Variants in PLXDC2 observed in about 807,000 individuals in gnomAD.
PLXDC2 encodes plexin domain-containing protein 2.
Under a neutral mutation model 68.9 loss-of-function variants are expected in PLXDC2, and 40 were observed. That is an observed-to-expected ratio of 0.58 (90% CI 0.45 to 0.76). The LOEUF is 0.76. Among genes scored for constraint, PLXDC2 ranks in the 30% least tolerant of loss-of-function variants. PLXDC2 has a pLI of 0.00. For missense variants in PLXDC2, 644 were observed against 661.9 expected, an observed-to-expected ratio of 0.97 and a Z score of 0.30; for synonymous variants, 243 against 234.2, an observed-to-expected ratio of 1.04 and a Z score of -0.34.
At chr10:19,864,491 A>C (rs2131337655) in intron 1 of PLXDC2, among the ~76,000 whole-genome samples, 1 of 152,330 alleles carries the variant, frequency 6.6e-6, no homozygotes, top group African/African-American at 2.4e-5. Context: ...TAAAGTCTAA[A>C]CAATTTGAAA....
At chr10:19,980,200 T>C (rs1834529608) in intron 1 of PLXDC2, among the ~76,000 whole-genome samples, 1 of 152,246 alleles carries the variant, frequency 6.6e-6, no homozygotes, top group Non-Finnish European at 1.5e-5. Context: ...TTGACATTTC[T>C]TTTATGCTTA....
intron 1 of PLXDC2, among the ~76,000 whole-genome samples, chr10:19,901,946 TTA>T (rs1388710604): frequency 3.3e-5 from 5 of 152,140 alleles, no homozygotes; most frequent in Admixed American, 1.3e-4. Flanking sequence ...TTTCCCCACT[TTA>T]TGTTTTTGTT....
chr10:20,046,037 G>A (rs79077021), intron 2 of PLXDC2, among the ~76,000 whole-genome samples: 2,504 of 152,182 alleles, frequency 0.016, 64 homozygotes, highest in African/African-American at 0.057. Context: ...GTAGAATGTA[G>A]TAACTCAAAT....
chr10:19,859,463 A>G (rs1430733673), intron 1 of PLXDC2, among the ~76,000 whole-genome samples: 2 of 152,098 alleles, frequency 1.3e-5, no homozygotes, highest in Admixed American at 6.5e-5. Context: ...TTCATATTAC[A>G]TATTGAAATT....
chr10:20,254,204 A>T (rs1835714500), intron 13 of PLXDC2, among the ~76,000 whole-genome samples: 1 of 152,228 alleles, frequency 6.6e-6, no homozygotes, highest in South Asian at 2.1e-4. Context: ...CCTGTGGAGA[A>T]TATGATTAAA....
At chr10:20,088,144 T>C (rs1049163855) in intron 4 of PLXDC2, among the ~76,000 whole-genome samples, 1 of 152,182 alleles carries the variant, frequency 6.6e-6, no homozygotes, top group African/African-American at 2.4e-5. Flanking sequence ...CTAAGCAGCC[T>C]GGAGTTGTTT....
chr10:20,173,703 C>A (rs778363838), intron 7 of PLXDC2, among the ~76,000 whole-genome samples: 6 of 152,140 alleles, frequency 3.9e-5, no homozygotes, highest in Non-Finnish European at 8.8e-5. Context: ...TAAGACTGAA[C>A]GTTTAATTCA....
chr10:19,866,449 C>G (rs1382171527), intron 1 of PLXDC2, among the ~76,000 whole-genome samples: 1 of 152,206 alleles, frequency 6.6e-6, no homozygotes, highest in Admixed American at 6.5e-5. Flanking sequence ...CCTGTTCTGC[C>G]TCTTTCTCAC....
intron 4 of PLXDC2, among the ~76,000 whole-genome samples, chr10:20,126,805 A>ATGTATATAGAACACACGTTATATT (rs1833796067): frequency 6.8e-6 from 1 of 147,926 alleles, no homozygotes; most frequent in Non-Finnish European, 1.5e-5. Flanking sequence ...CACGTTATAT[A>ATGTATATAGAACACACGTTATATT]TGTATATATA....
intron 7 of PLXDC2, among the ~76,000 whole-genome samples, chr10:20,171,324 C>T (rs752698349): frequency 6.6e-6 from 1 of 152,140 alleles, no homozygotes; most frequent in Non-Finnish European, 1.5e-5. Flanking sequence ...TACTTTTGCT[C>T]ACCTCAAAAT....
intron 1 of PLXDC2, 22 bp from the exon 2 acceptor site, chr10:20,001,753 A>G: frequency 6.2e-7 from 1 of 1,609,388 alleles, no homozygotes; most frequent in South Asian, 1.1e-5. Flanking sequence ...GTGGTAACCC[A>G]TTTTCTTTCT....
intron 1 of PLXDC2, among the ~76,000 whole-genome samples, chr10:19,878,720 A>G (rs61678916): frequency 0.31 from 47,593 of 152,046 alleles, 7,727 homozygotes; most frequent in African/African-American, 0.4. Context: ...TCACAACTTA[A>G]TTTGTTTTTA....
At chr10:20,255,216 G>A (rs1039568013) in intron 13 of PLXDC2, among the ~76,000 whole-genome samples, 1 of 151,990 alleles carries the variant, frequency 6.6e-6, no homozygotes, top group African/African-American at 2.4e-5. Context: ...TAGATAGATA[G>A]ATAGATAGAT....
intron 1 of PLXDC2, among the ~76,000 whole-genome samples, chr10:19,822,979 G>A (rs373506820): frequency 1.3e-5 from 2 of 151,634 alleles, no homozygotes; most frequent in East Asian, 2.0e-4. Flanking sequence ...GCAGTGGCGC[G>A]ATCTCAGCTC....
At chr10:19,873,518 C>A (rs1837582058) in intron 1 of PLXDC2, among the ~76,000 whole-genome samples, 1 of 147,142 alleles carries the variant, frequency 6.8e-6, no homozygotes, top group South Asian at 2.2e-4. Flanking sequence ...TCAAGCCATT[C>A]TCTCCATTCT....
intron 1 of PLXDC2, among the ~76,000 whole-genome samples, chr10:19,838,011 AT>A (rs1363374467): frequency 6.6e-6 from 1 of 152,126 alleles, no homozygotes; most frequent in Non-Finnish European, 1.5e-5. Context: ...TGATTTATTT[AT>A]TTTTGAGACA....
intron 1 of PLXDC2, among the ~76,000 whole-genome samples, chr10:19,918,694 G>A (rs528102194): frequency 6.6e-6 from 1 of 152,172 alleles, no homozygotes; most frequent in Non-Finnish European, 1.5e-5. Flanking sequence ...TATTAACACA[G>A]GCAGTACTTT....
chr10:19,878,359 C>A (rs1326515586), intron 1 of PLXDC2, among the ~76,000 whole-genome samples: 1 of 151,120 alleles, frequency 6.6e-6, no homozygotes, highest in Non-Finnish European at 1.5e-5. Flanking sequence ...TACCAGTATA[C>A]AAAAATAAAA....
At chr10:20,174,529 A>C (rs1834498916) in intron 7 of PLXDC2, among the ~76,000 whole-genome samples, 1 of 152,104 alleles carries the variant, frequency 6.6e-6, no homozygotes, top group African/African-American at 2.4e-5. Context: ...CCTAGCCCCA[A>C]AAGGGTTTGC....
Sources: allele counts gnomAD v4.1 joint callset (sites outside exome capture counted in the v4.1 genomes callset), GRCh38; gene constraint gnomAD v4.1.1; transcripts MANE v1.5; gene names NCBI Gene and HGNC (gene_info 2026-07-23, HGNC 2026-07-21).